The following GARIN1A variants were observed in gnomAD, a reference collection of about 807,000 sequenced individuals.
GARIN1A encodes the protein golgi associated RAB2 interactor 1A.
the GARIN1A span, among the ~76,000 whole-genome samples, chr7:128,706,956 G>A: frequency 6.6e-6 from 1 of 152,122 alleles, no homozygotes; most frequent in South Asian, 2.1e-4. Context: ...TGAAGATCCT[G>A]GGGTGATGAG....
chr7:128,673,889 G>C, the GARIN1A span, among the ~76,000 whole-genome samples: 45 of 152,180 alleles, frequency 3.0e-4, no homozygotes, highest in Non-Finnish European at 5.1e-4. Context: ...TAATGATTCA[G>C]CTGCAAATTT....
the GARIN1A span, among the ~76,000 whole-genome samples, chr7:128,703,903 T>A: frequency 1.5e-3 from 232 of 151,890 alleles, 1 homozygote; most frequent in African/African-American, 5.4e-3. Flanking sequence ...GCACGAGAGG[T>A]GACTCGACGT....
At chr7:128,681,881 A>C in the GARIN1A span, among the ~76,000 whole-genome samples, 57 of 127,220 alleles carry the variant, frequency 4.5e-4, no homozygotes, top group South Asian at 7.9e-4. Context: ...GCCACACTGC[A>C]CCCCCCCCCA....
At chr7:128,677,601 G>T in the GARIN1A span, 1 of 1,610,476 alleles carries the variant, frequency 6.2e-7, no homozygotes, top group Non-Finnish European at 8.5e-7. Flanking sequence ...ACGAATCTAC[G>T]ACCGGCTCCA....
At chr7:128,705,633 G>A in the GARIN1A span, among the ~76,000 whole-genome samples, 58 of 148,020 alleles carry the variant, frequency 3.9e-4, no homozygotes, top group African/African-American at 5.7e-4. Flanking sequence ...CACTGATGGC[G>A]CCAAATGGTG....
the GARIN1A span, among the ~76,000 whole-genome samples, chr7:128,689,169 C>T: frequency 3.3e-5 from 5 of 152,144 alleles, no homozygotes; most frequent in East Asian, 1.9e-4. Context: ...ACCTCCCAGC[C>T]GCCTACCTTG....
At chr7:128,698,100 A>G in the GARIN1A span, among the ~76,000 whole-genome samples, 1 of 152,188 alleles carries the variant, frequency 6.6e-6, no homozygotes, top group Non-Finnish European at 1.5e-5. Flanking sequence ...ATTTGTATGT[A>G]TAGGTAGGTT....
At chr7:128,681,164 A>G in the GARIN1A span, among the ~76,000 whole-genome samples, 2 of 152,200 alleles carry the variant, frequency 1.3e-5, no homozygotes, top group Non-Finnish European at 2.9e-5. Context: ...TGAGAATATA[A>G]AAGGTCCTTT....
the GARIN1A span, among the ~76,000 whole-genome samples, chr7:128,671,795 C>T: frequency 7.2e-5 from 11 of 151,820 alleles, no homozygotes; most frequent in African/African-American, 2.7e-4. Flanking sequence ...CCCACTGTTT[C>T]CAAATAAATA....
At chr7:128,678,421 A>G in the GARIN1A span, among the ~76,000 whole-genome samples, 2 of 152,232 alleles carry the variant, frequency 1.3e-5, no homozygotes, top group Non-Finnish European at 2.9e-5. Flanking sequence ...AGTAGAATTC[A>G]AACAGCATGA....
chr7:128,692,910 C>T, the GARIN1A span, among the ~76,000 whole-genome samples: 3 of 152,184 alleles, frequency 2.0e-5, no homozygotes, highest in Admixed American at 6.5e-5. Flanking sequence ...AAGACCATGG[C>T]TTCAAAAGTG....
the GARIN1A span, chr7:128,690,416 A>AAT: frequency 1.3e-3 from 148 of 109,840 alleles, 1 homozygote; most frequent in African/African-American, 4.6e-3. Context: ...ATAAATAAAT[A>AAT]AATAATAATA....
the GARIN1A span, chr7:128,672,387 AC>A: frequency 6.2e-7 from 1 of 1,602,334 alleles, no homozygotes; most frequent in Non-Finnish European, 8.5e-7. Context: ...GCCCATTCTT[AC>A]CAAGAACCAA....
the GARIN1A span, among the ~76,000 whole-genome samples, chr7:128,697,907 G>A: frequency 2.0e-5 from 3 of 152,056 alleles, no homozygotes; most frequent in African/African-American, 7.2e-5. Context: ...TTACTGTTTT[G>A]GAGTAGTAAA....
At chr7:128,680,996 G>A in the GARIN1A span, among the ~76,000 whole-genome samples, 5 of 152,240 alleles carry the variant, frequency 3.3e-5, no homozygotes, top group African/African-American at 1.2e-4. Context: ...GCAAGATAGT[G>A]CAACCAATAT....
At chr7:128,688,052 T>G in the GARIN1A span, among the ~76,000 whole-genome samples, 16 of 152,108 alleles carry the variant, frequency 1.1e-4, no homozygotes, top group South Asian at 3.3e-3. Context: ...AGTCTTGCTC[T>G]GTCGCCCAGG....
the GARIN1A span, among the ~76,000 whole-genome samples, chr7:128,706,311 G>A: frequency 1.3e-5 from 2 of 152,068 alleles, no homozygotes; most frequent in African/African-American, 2.4e-5. Context: ...GTTCTTTAGA[G>A]TGGAAGATGG....
chr7:128,689,596 G>A, the GARIN1A span, among the ~76,000 whole-genome samples: 10 of 140,604 alleles, frequency 7.1e-5, no homozygotes, highest in East Asian at 4.4e-4. Flanking sequence ...CCTCCGCCCG[G>A]CAGCCGCCCC....
the GARIN1A span, chr7:128,683,018 T>A: frequency 5.6e-6 from 9 of 1,610,304 alleles, no homozygotes; most frequent in Non-Finnish European, 7.6e-6. Flanking sequence ...AGATACCCTC[T>A]CCAGTGGCAT....
Sources: gnomAD v4.1 joint callset for allele counts (sites outside exome capture counted in the v4.1 genomes callset) on GRCh38, gnomAD v4.1.1 for gene constraint, MANE v1.5 for transcripts, NCBI Gene and HGNC (gene_info 2026-07-23, HGNC 2026-07-21) for gene names.